The following OR3A2 variants were observed in gnomAD, a reference collection of about 807,000 sequenced individuals.
OR3A2 encodes the protein olfactory receptor family 3 subfamily A member 2.
For synonymous variants in OR3A2, 126 were observed against 159.3 expected (o/e 0.79, Z 1.57); for missense variants, 318 against 392.8 (o/e 0.81, Z 1.61).
At chr17:3,280,716 G>A (rs2048771939) in intron 1 of OR3A2, among the ~76,000 whole-genome samples, 1 of 152,210 alleles carries the variant, frequency 6.6e-6, no homozygotes, top group Non-Finnish European at 1.5e-5. Context: ...GGAAGCAGCT[G>A]GAGGGGAACA....
chr17:3,343,122 A>G (rs2049333982), intron 2 of OR3A2, among the ~76,000 whole-genome samples: 1 of 152,204 alleles, frequency 6.6e-6, no homozygotes, highest in Non-Finnish European at 1.5e-5. Context: ...AAAGTGCAGT[A>G]TCTAGGTTGC....
chr17:3,367,232 T>C (rs1478757244), intron 2 of OR3A2, among the ~76,000 whole-genome samples: 2 of 152,268 alleles, frequency 1.3e-5, no homozygotes, highest in South Asian at 2.1e-4. Context: ...TTTCAATAGA[T>C]TTTGGGGAAG....
intron 3 of OR3A2, among the ~76,000 whole-genome samples, chr17:3,300,522 G>T (rs1247439025): frequency 6.6e-6 from 1 of 152,040 alleles, no homozygotes; most frequent in Non-Finnish European, 1.5e-5. Flanking sequence ...TCACACCACT[G>T]CACTCCAACC....
rs573930835 is a variant in OR3A2, at chr17:3,354,981, A to G, written c.-178-18855T>C. 2.6e-4 allele frequency among the ~76,000 whole-genome samples: 39 copies of G among 151,330 alleles called. 3 individuals are homozygous for G. The highest frequency in any genetic ancestry group is 9.0e-4 in the African/African-American group (37 of 40,982). ...TTTGCATTATCATTTGTTTCAATAAATTTTTATTCCTTCTCAATGTTGTTA... is the reference window on the plus strand; with the variant it reads ...TTTGCATTATCATTTGTTTCAATAAGTTTTTATTCCTTCTCAATGTTGTTA... On this transcript the variant is annotated intron_variant, in intron 2 of 4. Coordinates refer to the OR3A2 transcript ENST00000573491.
intron 3 of OR3A2, among the ~76,000 whole-genome samples, chr17:3,320,685 C>A (rs139451583): frequency 6.6e-6 from 1 of 151,990 alleles, no homozygotes; most frequent in Non-Finnish European, 1.5e-5. Flanking sequence ...GATCAGGTAG[C>A]TGTAGATAGG....
intron 2 of OR3A2, among the ~76,000 whole-genome samples, chr17:3,349,694 T>C (rs2049402487): frequency 2.0e-5 from 3 of 150,890 alleles, no homozygotes. Flanking sequence ...AATAGACATC[T>C]ACAGAACTCT....
chr17:3,332,270 C>A (rs1332060365), intron 3 of OR3A2, among the ~76,000 whole-genome samples: 1 of 152,232 alleles, frequency 6.6e-6, no homozygotes. Flanking sequence ...CTTTGTTTAC[C>A]TAAGCAAGCC....
At chr17:3,386,154 C>A (rs570797971) in exon 1 of OR3A2, 6 of 398,818 alleles carry the variant, frequency 1.5e-5, no homozygotes, top group Non-Finnish European at 2.7e-5. Context: ...GCTTTACCAC[C>A]GTCACGGTCC....
chr17:3,299,320 A>G (rs1157435232), intron 3 of OR3A2, among the ~76,000 whole-genome samples: 1 of 152,186 alleles, frequency 6.6e-6, no homozygotes. Flanking sequence ...GCTTTCTCCA[A>G]CCTTGGCTTT....
At chr17:3,369,404 T>G (rs77622684) in intron 2 of OR3A2, among the ~76,000 whole-genome samples, 2,766 of 152,310 alleles carry the variant, frequency 0.018, 81 homozygotes, top group African/African-American at 0.062. Context: ...CCTTAAGCCA[T>G]GTCCCTTCTA....
intron 3 of OR3A2, among the ~76,000 whole-genome samples, chr17:3,296,956 C>T (rs2048923653): frequency 6.6e-6 from 1 of 152,216 alleles, no homozygotes; most frequent in African/African-American, 2.4e-5. Context: ...ATGGAAGGGG[C>T]ATAACATCTG....
At chr17:3,286,034 T>A (rs1417967509), upstream of OR3A2, among the ~76,000 whole-genome samples, 2 of 152,168 alleles carry the variant, frequency 1.3e-5, no homozygotes, top group African/African-American at 4.8e-5. Flanking sequence ...TCTTCTACAT[T>A]AGGTATTTCT....
chr17:3,351,838 T>C (rs1372032702), intron 2 of OR3A2, among the ~76,000 whole-genome samples: 4 of 152,070 alleles, frequency 2.6e-5, no homozygotes, highest in Non-Finnish European at 4.4e-5. Context: ...AACAGAGATA[T>C]AGATCAATGG....
chr17:3,375,101 C>T (rs969217932), intron 2 of OR3A2, among the ~76,000 whole-genome samples: 2 of 110,302 alleles, frequency 1.8e-5, no homozygotes, highest in African/African-American at 6.4e-5. Context: ...AATAGTCAAC[C>T]TTCTGAATTC....
chr17:3,364,349 T>A (rs984139827), intron 2 of OR3A2, among the ~76,000 whole-genome samples: 7 of 152,248 alleles, frequency 4.6e-5, no homozygotes, highest in Non-Finnish European at 1.0e-4. Context: ...TTCTTTGTGA[T>A]GAAAACATTT....
At chr17:3,300,359 G>A (rs2048953140) in intron 3 of OR3A2, among the ~76,000 whole-genome samples, 1 of 152,086 alleles carries the variant, frequency 6.6e-6, no homozygotes, top group African/African-American at 2.4e-5. Context: ...AGGAGTTCGA[G>A]ACCAGCCTGG....
At chr17:3,332,150 G>C (rs569320122) in intron 3 of OR3A2, among the ~76,000 whole-genome samples, 6 of 152,134 alleles carry the variant, frequency 3.9e-5, no homozygotes, top group Non-Finnish European at 8.8e-5. Flanking sequence ...AGTCTGCAGA[G>C]GTTACTGCTG....
chr17:3,347,509 C>G (rs2049376928), intron 2 of OR3A2, among the ~76,000 whole-genome samples: 1 of 151,914 alleles, frequency 6.6e-6, no homozygotes, highest in Non-Finnish European at 1.5e-5. Context: ...GTTTTTTGTT[C>G]TTGCAATAGT....
chr17:3,280,908 C>T (rs751390267), intron 1 of OR3A2, among the ~76,000 whole-genome samples: 10 of 152,104 alleles, frequency 6.6e-5, no homozygotes, highest in East Asian at 3.9e-4. Flanking sequence ...GTTGGTGGCA[C>T]GGTCTTAACT....
Sources: gnomAD v4.1 joint callset for allele counts (sites outside exome capture counted in the v4.1 genomes callset) on GRCh38, gnomAD v4.1.1 for gene constraint, MANE v1.5 for transcripts, NCBI Gene and HGNC (gene_info 2026-07-23, HGNC 2026-07-21) for gene names.